TET3: variants seen among roughly 807,000 people sequenced by gnomAD.
The protein encoded by TET3 is methylcytosine dioxygenase TET3.
TET3 carries 19 observed loss-of-function variants against 141.4 expected under a neutral mutation model. That is an observed-to-expected ratio of 0.13 (90% confidence interval 0.09 to 0.20). TET3 has a LOEUF of 0.20. Ranked by LOEUF, TET3 falls within the 10% of genes least tolerant of loss-of-function variation. The probability of loss-of-function intolerance (pLI) is 1.00; values close to 1 mark genes in which losing one functional copy is unlikely to be tolerated. For missense variants in TET3, 1,874 were observed against 2,356.9 expected (o/e 0.80, Z 4.24); for synonymous variants, 1,043 against 980.9 (o/e 1.06, Z -1.18).
chr2:74,028,501 GGCAGGGGTTCACATGCTGTT>G (rs1686501825), intron 3 of TET3, among the ~76,000 whole-genome samples: 1 of 152,134 alleles, frequency 6.6e-6, no homozygotes, highest in Non-Finnish European at 1.5e-5. Context: ...TATGGTGTGA[GGCAGGGGTTCACATGCTGTT>G]GCAACTGGAT....
intron 4 of TET3, among the ~76,000 whole-genome samples, chr2:74,052,134 C>T (rs1687978683): frequency 6.6e-6 from 1 of 152,174 alleles, no homozygotes; most frequent in Admixed American, 6.5e-5. Context: ...CACCCACCAC[C>T]ATGCCTGGCT....
At chr2:74,061,604 C>A (rs1456129172) in intron 4 of TET3, among the ~76,000 whole-genome samples, 6 of 150,654 alleles carry the variant, frequency 4.0e-5, no homozygotes, top group Non-Finnish European at 7.4e-5. Context: ...GCTGACCCCC[C>A]CCACCTCCCT....
the TET3 span, among the ~76,000 whole-genome samples, chr2:74,115,503 G>T: frequency 6.6e-6 from 1 of 152,084 alleles, no homozygotes; most frequent in Non-Finnish European, 1.5e-5. Context: ...TACGCCAGAA[G>T]CCCAGACTTC....
At chr2:74,032,483 G>GCGCGCGCGCGCGCGCGA (rs36143111) in intron 3 of TET3, among the ~76,000 whole-genome samples, 1 of 150,464 alleles carries the variant, frequency 6.6e-6, no homozygotes, top group African/African-American at 2.5e-5. Context: ...GTGTGTGTGT[G>GCGCGCGCGCGCGCGCGA]TGTGTGTGTG....
chr2:74,070,032 A>G (rs989528903), intron 4 of TET3, among the ~76,000 whole-genome samples: 2 of 152,178 alleles, frequency 1.3e-5, no homozygotes, highest in Non-Finnish European at 2.9e-5. Context: ...TGATAGGTCA[A>G]ACATCATTAA....
chr2:74,041,079 T>C (rs556461192), intron 3 of TET3, among the ~76,000 whole-genome samples: 4 of 152,322 alleles, frequency 2.6e-5, no homozygotes, highest in Admixed American at 2.0e-4. Context: ...AAATAGCTGC[T>C]TGCTTTTCTT....
the TET3 span, chr2:74,134,968 C>T: frequency 1.0e-5 from 3 of 289,942 alleles, no homozygotes; most frequent in East Asian, 1.9e-4. Context: ...GGAATATCTG[C>T]CTGTGCCTCA....
rs1034444483 is a variant in TET3 at position 74,099,631 on chromosome 2, C to T, written c.3604+19C>T. 1.9e-5 allele frequency: 29 copies of T among 1,530,034 alleles called. No individual in the cohort carries two copies. The Middle Eastern group carries it at 5.2e-4, about 27-fold the overall frequency. 94.8% of individuals were successfully genotyped at this position (1,530,034 alleles called of 1,614,324 possible). ...GACCCAGGTGTGTGGGGGGAGGGTG[C>T]CCGCTTGGAGTCACAATGGCACTGT... On this transcript the variant is annotated intron_variant, in intron 11 of 11. Coordinates refer to ENST00000409262, the MANE Select transcript of TET3 (RefSeq NM_001287491.2).
At chr2:74,035,283 G>A (rs1391138002) in intron 3 of TET3, among the ~76,000 whole-genome samples, 3 of 150,126 alleles carry the variant, frequency 2.0e-5, no homozygotes, top group South Asian at 2.1e-4. Context: ...GGCCAACATG[G>A]TGAAACCCTG....
At chr2:74,022,608 G>C (rs971929239) in intron 3 of TET3, among the ~76,000 whole-genome samples, 2 of 151,462 alleles carry the variant, frequency 1.3e-5, no homozygotes, top group Non-Finnish European at 2.9e-5. Context: ...ACAGAACACA[G>C]AACAGGCACT....
intron 5 of TET3, among the ~76,000 whole-genome samples, chr2:74,078,641 T>G (rs1207756801): frequency 6.6e-6 from 1 of 152,222 alleles, no homozygotes; most frequent in Non-Finnish European, 1.5e-5. Flanking sequence ...CTTGGTGCAT[T>G]TGTATGGTTA....
chr2:74,108,802 A>G (rs976816307), downstream of TET3, among the ~76,000 whole-genome samples: 1 of 152,186 alleles, frequency 6.6e-6, no homozygotes, highest in African/African-American at 2.4e-5. Context: ...AAATTGATCC[A>G]GTGTCTTTGA....
chr2:74,073,869 A>T (rs1689350325), intron 5 of TET3: 2 of 413,138 alleles, frequency 4.8e-6, no homozygotes, highest in Admixed American at 8.3e-5. Context: ...CTGTCTTGAA[A>T]TGTTTTTATG....
chr2:73,985,317 G>A (rs1041634093), intron 1 of TET3, among the ~76,000 whole-genome samples, 160 bp downstream of exon 1: 239 of 131,596 alleles, frequency 1.8e-3, no homozygotes, highest in Non-Finnish European at 3.2e-3. Flanking sequence ...GGCGCTGTGC[G>A]GCTGAGCCGG....
rs1198343905 is a variant in TET3 at position 74,103,288 on chromosome 2, T to A, written c.*1112T>A. 6.6e-6 allele frequency: 1 copy of A among 152,602 alleles called. No homozygotes were observed. Among genetic ancestry groups the A allele is most frequent in the African/African-American group, 2.4e-5 (1 of 41,428 alleles). 9.5% of individuals were successfully genotyped at this position (152,602 alleles called of 1,614,324 possible). On this transcript the variant is annotated 3_prime_UTR_variant, in exon 12 of 12. Transcript: ENST00000409262. The stretch of plus-strand genomic sequence containing the variant: ...TGCTGTGCGGAGCCTGGTGCTGTAG[T>A]GTTGTGCTGGGACTTTCTTGACTCT...
chr2:74,102,451 C>G lies in TET3; in HGVS notation c.*275C>G, dbSNP rs989735514. On this transcript the variant is annotated 3_prime_UTR_variant, in exon 12 of 12. Coordinates refer to ENST00000409262, the MANE Select transcript of TET3 (RefSeq NM_001287491.2). ...TAATATTTATATCTCCAAGTTGTCC[C>G]CCCCCCTTGTCTGGGGGGTTTTTAT... 2 of 304,308 alleles carry G rather than the reference C, an allele frequency of 6.6e-6. No individual in the cohort carries two copies. Among genetic ancestry groups the G allele is most frequent in the African/African-American group, 4.3e-5 (2 of 46,422 alleles). 18.9% of individuals were successfully genotyped at this position (304,308 alleles called of 1,614,324 possible).
chr2:74,112,854 A>G, downstream of TET3, among the ~76,000 whole-genome samples: 1 of 151,548 alleles, frequency 6.6e-6, no homozygotes, highest in Non-Finnish European at 1.5e-5. Flanking sequence ...TACAAAAATT[A>G]GCTGGGCAAG....
At chr2:73,998,462 T>G (rs750783051) in intron 2 of TET3, 4 of 152,442 alleles carry the variant, frequency 2.6e-5, no homozygotes, top group Non-Finnish European at 5.9e-5. Flanking sequence ...TGGCTCCGAC[T>G]TGTTTCCCTC....
chr2:74,004,939 C>T (rs182164456), intron 3 of TET3, among the ~76,000 whole-genome samples: 67 of 152,220 alleles, frequency 4.4e-4, no homozygotes, highest in African/African-American at 1.5e-3. Context: ...AGCAGGCCAA[C>T]GGGATGAGGA....
Sources: gnomAD v4.1 joint callset for allele counts (sites outside exome capture counted in the v4.1 genomes callset) on GRCh38, gnomAD v4.1.1 for gene constraint, MANE v1.5 for transcripts, NCBI Gene and HGNC (gene_info 2026-07-23, HGNC 2026-07-21) for gene names.